Variants in CFAP57 observed in about 807,000 individuals in gnomAD.
CFAP57 encodes the protein cilia and flagella associated protein 57.
A neutral mutation model predicts 146.8 loss-of-function variants in CFAP57; 116 were observed. The observed-to-expected ratio is 0.79, with a 90% confidence interval of 0.68 to 0.92. The LOEUF (loss-of-function observed/expected upper bound fraction) is 0.92. Among genes scored for constraint, CFAP57 ranks in the 40% least tolerant of loss-of-function variants. The probability of loss-of-function intolerance (pLI) is 0.00; values close to 1 mark genes in which losing one functional copy is unlikely to be tolerated. For missense variants in CFAP57, 1,377 were observed against 1,527.2 expected, an observed-to-expected ratio of 0.90 and a Z score of 1.64; for synonymous variants, 518 against 552.8, an observed-to-expected ratio of 0.94 and a Z score of 0.88.
At chr1:43,181,464 G>A in intron 2 of CFAP57, 70 bp from the exon 3 acceptor site, 2 of 1,573,660 alleles carry the variant, frequency 1.3e-6, no homozygotes, top group Non-Finnish European at 1.7e-6. Flanking sequence ...CCACCACAGT[G>A]CCTGGTTCCT....
rs780883974 is a variant in CFAP57, at chr1:43,201,639, G to C, written c.1542+2136G>C. ...TAACACAAACTCTTTTTTTGAGACA[G>C]AGTTTCGCTTTCGTTGCCCAGGCTG... On this transcript the variant is annotated intron_variant, in intron 9 of 22. Transcript: ENST00000372492. The surrounding 1 kb of genome is among the most constrained non-coding windows in gnomAD (Gnocchi z 4.4). 1.3e-5 allele frequency among the ~76,000 whole-genome samples: 2 copies of C among 152,066 alleles called. No homozygotes were observed. The highest frequency in any genetic ancestry group is 2.9e-5 in the Non-Finnish European group (2 of 67,996).
rs1570285611 is a variant in CFAP57 at position 43,234,172 on chromosome 1, G to A, written c.3127-107G>A. The stretch of plus-strand genomic sequence containing the variant: ...CCCTGGCAGTCAGCTGTAAGTCCCA[G>A]ATGAGGCATCTCTTTTCCCTTTCTG... On this transcript the variant is annotated intron_variant, in intron 19 of 22. Coordinates refer to ENST00000372492, the MANE Select transcript of CFAP57 (RefSeq NM_001378189.1). The A allele has an allele frequency of 4.7e-6, 6 of 1,283,994 alleles. No individual in the cohort carries two copies. In the East Asian group the frequency reaches 1.3e-4, roughly 28 times the overall value. The allele number at this position is 1,283,994 out of a possible 1,614,324, so 79.5% of individuals were successfully genotyped here.
chr1:43,215,565 A>G, intron 12 of CFAP57, 149 bp downstream of exon 12: 4 of 904,496 alleles, frequency 4.4e-6, no homozygotes, highest in Non-Finnish European at 6.5e-6. Flanking sequence ...CTGTCCCCAC[A>G]ACCAAGCTCT....
At chr1:43,214,246 G>C (rs1644748564) in intron 11 of CFAP57, among the ~76,000 whole-genome samples, 1 of 152,078 alleles carries the variant, frequency 6.6e-6, no homozygotes. Context: ...TGAATTGTTT[G>C]AGTTCTTTGG....
intron 5 of CFAP57, 75 bp from the exon 6 acceptor site, chr1:43,186,632 A>C (rs1225981336): frequency 2.3e-6 from 3 of 1,285,182 alleles, no homozygotes; most frequent in Non-Finnish European, 3.2e-6. Flanking sequence ...AAAAAAAAAA[A>C]AGAAAACTCT....
chr1:43,211,194 A>G (rs1181593693), intron 11 of CFAP57, among the ~76,000 whole-genome samples: 1 of 152,168 alleles, frequency 6.6e-6, no homozygotes, highest in East Asian at 1.9e-4. Flanking sequence ...ACTACAACAT[A>G]TTCCACCTCT....
chr1:43,244,678 G>A lies in CFAP57; in HGVS notation c.3538+1319G>A, dbSNP rs12139717. On this transcript the variant is annotated intron_variant, in intron 22 of 22. Coordinates refer to ENST00000372492, the MANE Select transcript of CFAP57 (RefSeq NM_001378189.1). Reference sequence around the variant, plus strand: ...CCAGCACTTTGGGAGGCCGAGGCAGGCAGATCACAAGGTCAAGAGATCGAG... The same window carrying A: ...CCAGCACTTTGGGAGGCCGAGGCAGACAGATCACAAGGTCAAGAGATCGAG... 2.7e-3 allele frequency among the ~76,000 whole-genome samples: 408 copies of A among 152,080 alleles called. 2 individuals are homozygous for A. The highest frequency in any genetic ancestry group is 0.016 in the South Asian group (75 of 4,804).
intron 6 of CFAP57, among the ~76,000 whole-genome samples, chr1:43,190,053 C>T (rs1011019422): frequency 2.0e-5 from 3 of 152,082 alleles, no homozygotes; most frequent in South Asian, 2.1e-4. Context: ...ATTTTATCAG[C>T]GTTTTTAGTG....
chr1:43,209,643 C>A, intron 10 of CFAP57, 100 bp from the exon 11 acceptor site: 1 of 1,219,810 alleles, frequency 8.2e-7, no homozygotes, highest in Non-Finnish European at 1.2e-6. Flanking sequence ...AAAGACAAGC[C>A]CCTAGGGATC....
chr1:43,246,315 C>T (rs144481798), intron 22 of CFAP57, among the ~76,000 whole-genome samples: 30 of 152,240 alleles, frequency 2.0e-4, no homozygotes, highest in African/African-American at 6.0e-4. Flanking sequence ...GTGATACTGG[C>T]GTAAAAACAG....
chr1:43,186,673 G>A (rs1453230294), intron 5 of CFAP57, 34 bp from the exon 6 acceptor site: 1 of 1,609,176 alleles, frequency 6.2e-7, no homozygotes, highest in East Asian at 2.2e-5. Context: ...ACAACGTGGG[G>A]ACATTACTGA....
At chr1:43,176,486 C>G (rs1044912332) in intron 2 of CFAP57, among the ~76,000 whole-genome samples, 2 of 152,194 alleles carry the variant, frequency 1.3e-5, no homozygotes, top group Non-Finnish European at 1.5e-5. Context: ...GCCTCAGTCT[C>G]CTCATCTGTA....
Position 43,181,778 on chromosome 1 carries a change from C to T in CFAP57, c.402C>T (p.Val134=), listed in dbSNP as rs1645417704. 6.2e-7 allele frequency: 1 copy of T among 1,614,078 alleles called. No homozygotes were observed. The highest frequency in any genetic ancestry group is 1.7e-5 in the Admixed American group (1 of 60,010). The stretch of plus-strand genomic sequence containing the variant: ...CGTCACCTCCAGAGTCAAATCTTGT[C>T]TACTGGCTGTGGGAAAAACAGAAAG... ...AQTSPPESNL[V]YWLWEKQKVM... Residue 134 remains valine, a synonymous_variant, in exon 3 of 23, where the codon GTC becomes GTT. Coordinates refer to ENST00000372492, the MANE Select transcript of CFAP57 (RefSeq NM_001378189.1).
In CFAP57 at chr1:43,221,433, T is replaced by A. The variant is rs949725974; in HGVS notation, c.2309T>A (p.Leu770Gln). 3 of 1,540,008 alleles carry A rather than the reference T, an allele frequency of 1.9e-6. No individual in the cohort carries two copies. Among genetic ancestry groups the A allele is most frequent in the Non-Finnish European group, 2.6e-6 (3 of 1,141,734 alleles). ...CACCATGAGCACATAGAAGACCTCC[T>A]AGACAAGCAAAGCCGGGAACTGCAG... ...VYHHEHIEDLLDKQSRELQDM... is the reference protein window; with the variant it reads ...VYHHEHIEDLQDKQSRELQDM... Residue 770 changes from leucine to glutamine, a missense_variant, in exon 14 of 23, where the codon CTA (leucine) becomes CAA (glutamine). Coordinates refer to ENST00000372492, the MANE Select transcript of CFAP57 (RefSeq NM_001378189.1).
At position 43,222,229 on chromosome 1, in the gene CFAP57, G is replaced by A; in HGVS notation, c.2466G>A (p.Gln822=). Residue 822 remains glutamine, a synonymous_variant, in exon 15 of 23, where the codon CAG becomes CAA. Coordinates refer to ENST00000372492, the MANE Select transcript of CFAP57 (RefSeq NM_001378189.1). Reference sequence around the variant, plus strand: ...GGGATAACGATGAGACCAAGAGCCAGGCCCTGGAGGAGCTGACTGAGTTTT... The same window carrying A: ...GGGATAACGATGAGACCAAGAGCCAAGCCCTGGAGGAGCTGACTGAGTTTT... ...QLRDNDETKS[Q]ALEELTEFYE... 1 of 1,506,942 alleles carries A rather than the reference G, an allele frequency of 6.6e-7. No homozygotes were observed. The highest frequency in any genetic ancestry group is 1.4e-5 in the African/African-American group (1 of 70,866). The allele number at this position is 1,506,942 out of a possible 1,614,324, so 93.3% of individuals were successfully genotyped here. A position where few individuals can be genotyped will look rare whatever the true frequency, so the allele number is the denominator to read the frequency against.
chr1:43,250,439 A>C (rs1259521143), intron 22 of CFAP57: 2 of 152,118 alleles, frequency 1.3e-5, no homozygotes, highest in Non-Finnish European at 2.9e-5. Context: ...ACCAGGCCCA[A>C]CTCTGCTTAG....
chr1:43,184,818 G>C (rs1299461282), intron 4 of CFAP57: 1 of 263,958 alleles, frequency 3.8e-6, no homozygotes, highest in African/African-American at 2.5e-5. Flanking sequence ...TTCTCCAGGA[G>C]CTGTGTTCAC....
intron 21 of CFAP57, among the ~76,000 whole-genome samples, chr1:43,236,381 GT>G (rs1289855056): frequency 6.6e-6 from 1 of 151,670 alleles, no homozygotes; most frequent in African/African-American, 2.4e-5. Flanking sequence ...AAAAAGAAAA[GT>G]TTTCAAAACC....
intron 11 of CFAP57, 182 bp downstream of exon 11, chr1:43,210,098 A>G: frequency 6.2e-7 from 1 of 1,613,252 alleles, no homozygotes; most frequent in East Asian, 2.2e-5. Context: ...ACTTCCAGGA[A>G]TTTAGCCTAG....
Sources: allele counts gnomAD v4.1 joint callset (sites outside exome capture counted in the v4.1 genomes callset), GRCh38; gene constraint gnomAD v4.1.1; non-coding constraint Gnocchi (gnomAD v3.1); transcripts MANE v1.5; gene names NCBI Gene and HGNC (gene_info 2026-07-23, HGNC 2026-07-21).